OPCML: variants seen among roughly 807,000 people sequenced by gnomAD.
OPCML encodes the protein opioid-binding protein/cell adhesion molecule.
OPCML carries 13 observed loss-of-function variants against 37.8 expected under a neutral mutation model. The observed-to-expected ratio is 0.34, with a 90% CI of 0.22 to 0.55. The LOEUF is 0.55. OPCML is among the 20% of genes least tolerant of loss of function. The pLI, the probability that OPCML is intolerant of heterozygous loss-of-function variation, is 0.91. For synonymous variants in OPCML, 176 were observed against 168.8 expected (o/e 1.04, Z -0.33); for missense variants, 341 against 435.6 (o/e 0.78, Z 1.93).
At chr11:133,098,042 C>A (rs1949029871) in intron 1 of OPCML, among the ~76,000 whole-genome samples, 1 of 152,020 alleles carries the variant, frequency 6.6e-6, no homozygotes, top group Non-Finnish European at 1.5e-5. Flanking sequence ...TACCCTAATA[C>A]CAAAACCATA....
At chr11:132,942,634 G>A (rs1945619108) in intron 2 of OPCML, among the ~76,000 whole-genome samples, 1 of 152,156 alleles carries the variant, frequency 6.6e-6, no homozygotes, top group Non-Finnish European at 1.5e-5. Flanking sequence ...TTCTCATCAC[G>A]GTGCCCAAGC....
At chr11:133,476,308 T>C (rs1028130799) in intron 1 of OPCML, among the ~76,000 whole-genome samples, 1 of 152,036 alleles carries the variant, frequency 6.6e-6, no homozygotes, top group African/African-American at 2.4e-5. Flanking sequence ...AATGGCCTGA[T>C]TGGGGTGCAC....
chr11:132,717,884 C>G (rs1215871547), intron 2 of OPCML, among the ~76,000 whole-genome samples: 1 of 152,186 alleles, frequency 6.6e-6, no homozygotes, highest in Non-Finnish European at 1.5e-5. Flanking sequence ...GAGGCAAGGA[C>G]AGCATTCGCT....
At chr11:132,714,879 G>A (rs1944410287) in intron 2 of OPCML, among the ~76,000 whole-genome samples, 1 of 152,142 alleles carries the variant, frequency 6.6e-6, no homozygotes, top group Non-Finnish European at 1.5e-5. Flanking sequence ...ATAACAGAGA[G>A]CTCTGAGGGT....
At chr11:132,621,902 A>G (rs1939432614) in intron 3 of OPCML, among the ~76,000 whole-genome samples, 1 of 152,160 alleles carries the variant, frequency 6.6e-6, no homozygotes, top group African/African-American at 2.4e-5. Context: ...TTTGTGTAGG[A>G]GACATGGAAT....
chr11:132,713,301 T>C (rs1944343257), intron 2 of OPCML, among the ~76,000 whole-genome samples: 1 of 152,206 alleles, frequency 6.6e-6, no homozygotes, highest in Admixed American at 6.5e-5. Flanking sequence ...CAACAGTTCA[T>C]GGTAACTGCC....
chr11:133,407,926 C>G (rs1387177041), intron 1 of OPCML, among the ~76,000 whole-genome samples: 1 of 152,202 alleles, frequency 6.6e-6, no homozygotes, highest in Non-Finnish European at 1.5e-5. Context: ...AAGCTCTCCC[C>G]TACATCTGAA....
chr11:133,051,515 T>TTTTG (rs576246724), intron 1 of OPCML, among the ~76,000 whole-genome samples: 16 of 152,282 alleles, frequency 1.1e-4, no homozygotes, highest in South Asian at 2.1e-4. Context: ...TTTGCTGGGT[T>TTTTG]TTTGTTTGTT....
At chr11:133,373,491 G>C (rs1944729304) in intron 1 of OPCML, among the ~76,000 whole-genome samples, 1 of 143,824 alleles carries the variant, frequency 7.0e-6, no homozygotes, top group South Asian at 2.2e-4. Flanking sequence ...CAGGCGTTGT[G>C]GTACACTCCT....
intron 2 of OPCML, among the ~76,000 whole-genome samples, chr11:132,841,860 CAAAAAAAAAAAAAAAAAAAA>C (rs71067402): frequency 4.2e-3 from 147 of 34,704 alleles, no homozygotes; most frequent in Non-Finnish European, 6.1e-3. Flanking sequence ...CACTCTATCT[CAAAAAAAAAAAAAAAAAAAA>C]AAAAAAAAAA....
At chr11:133,077,561 AC>A (rs1284171994) in intron 1 of OPCML, among the ~76,000 whole-genome samples, 1 of 152,204 alleles carries the variant, frequency 6.6e-6, no homozygotes, top group Non-Finnish European at 1.5e-5. Context: ...ACTATAAATA[AC>A]TTCAAAAGCA....
At chr11:132,827,954 A>G (rs990499996) in intron 2 of OPCML, among the ~76,000 whole-genome samples, 6 of 152,102 alleles carry the variant, frequency 3.9e-5, no homozygotes. Context: ...GTTTTATAGC[A>G]GCTTCATTTA....
intron 1 of OPCML, among the ~76,000 whole-genome samples, chr11:133,144,390 A>G (rs1366060480): frequency 6.6e-6 from 1 of 152,168 alleles, no homozygotes; most frequent in Non-Finnish European, 1.5e-5. Flanking sequence ...TTGCCTTTTG[A>G]CCCTCTTCAG....
intron 4 of OPCML, among the ~76,000 whole-genome samples, chr11:132,455,392 C>G (rs1483945201): frequency 6.6e-6 from 1 of 152,122 alleles, no homozygotes; most frequent in Middle Eastern, 3.2e-3. Flanking sequence ...TAGCAGTGTC[C>G]CTGTGGGACT....
chr11:132,911,026 G>T (rs751834580), intron 2 of OPCML, among the ~76,000 whole-genome samples: 6 of 152,172 alleles, frequency 3.9e-5, no homozygotes, highest in Non-Finnish European at 7.3e-5. Flanking sequence ...AACTGAGAAC[G>T]TTAAGCAACC....
chr11:132,819,057 T>G (rs2136242835), intron 2 of OPCML, among the ~76,000 whole-genome samples: 1 of 151,950 alleles, frequency 6.6e-6, no homozygotes, highest in Middle Eastern at 3.4e-3. Flanking sequence ...TCTATTATTT[T>G]GTGTGCTATG....
chr11:132,499,736 C>T (rs543777611), intron 4 of OPCML, among the ~76,000 whole-genome samples: 2 of 152,246 alleles, frequency 1.3e-5, no homozygotes, highest in East Asian at 1.9e-4. Context: ...ATAGAGTTGT[C>T]CTGAGGATGC....
intron 2 of OPCML, among the ~76,000 whole-genome samples, chr11:132,706,650 C>A (rs1226118275): frequency 1.3e-5 from 2 of 152,100 alleles, no homozygotes; most frequent in African/African-American, 4.8e-5. Context: ...CCTCTAACCC[C>A]CTACTACACC....
intron 2 of OPCML, among the ~76,000 whole-genome samples, chr11:132,719,600 A>G (rs562172098): frequency 6.6e-6 from 1 of 152,322 alleles, no homozygotes; most frequent in South Asian, 2.1e-4. Context: ...ATTTTCAGCC[A>G]GGCAGATTCC....
Sources: gnomAD v4.1 joint callset for allele counts (sites outside exome capture counted in the v4.1 genomes callset) on GRCh38, gnomAD v4.1.1 for gene constraint, MANE v1.5 for transcripts, NCBI Gene and HGNC (gene_info 2026-07-23, HGNC 2026-07-21) for gene names.